The following NHEJ1 variants were observed in gnomAD, a reference collection of about 807,000 sequenced individuals.
The protein encoded by NHEJ1 is non-homologous end-joining factor 1.
In NHEJ1, 22 loss-of-function variants were observed where a neutral mutation model predicts 39.4. The ratio of observed to expected loss-of-function variants is 0.56; its 90% CI spans 0.40 to 0.80. NHEJ1 has a LOEUF of 0.80. Ranked by LOEUF, NHEJ1 falls within the 30% of genes least tolerant of loss-of-function variation. The probability of loss-of-function intolerance (pLI) is 0.00; values close to 1 mark genes in which losing one functional copy is unlikely to be tolerated. For missense variants in NHEJ1, 329 were observed against 357.1 expected (o/e 0.92, Z 0.63); for synonymous variants, 154 against 135.6 (o/e 1.14, Z -0.94).
intron 3 of NHEJ1, among the ~76,000 whole-genome samples, chr2:219,149,264 T>A (rs1949772816): frequency 6.6e-6 from 1 of 152,180 alleles, no homozygotes; most frequent in Non-Finnish European, 1.5e-5. Context: ...TACTCTCATA[T>A]GATAATGTAT....
chr2:219,117,296 C>T (rs1406798254), intron 5 of NHEJ1, among the ~76,000 whole-genome samples: 1 of 152,080 alleles, frequency 6.6e-6, no homozygotes, highest in Non-Finnish European at 1.5e-5. Context: ...GTAAACATCG[C>T]AGGGAAAAGA....
At chr2:219,121,515 G>A (rs1264460381) in intron 5 of NHEJ1, among the ~76,000 whole-genome samples, 1 of 151,916 alleles carries the variant, frequency 6.6e-6, no homozygotes, top group African/African-American at 2.4e-5. Context: ...TGGGCATTAA[G>A]GCCCCCGTGC....
intron 5 of NHEJ1, among the ~76,000 whole-genome samples, chr2:219,082,172 G>A (rs1424609652): frequency 1.3e-5 from 2 of 152,158 alleles, no homozygotes; most frequent in African/African-American, 4.8e-5. Flanking sequence ...TCATAGTAGT[G>A]TGATTTTTTC....
At chr2:219,139,672 TTTTG>T (rs1949671485) in intron 5 of NHEJ1, among the ~76,000 whole-genome samples, 1 of 152,068 alleles carries the variant, frequency 6.6e-6, no homozygotes, top group African/African-American at 2.4e-5. Context: ...TTTTGGGGTT[TTTTG>T]TTTTTGTTTT....
intron 5 of NHEJ1, among the ~76,000 whole-genome samples, chr2:219,087,525 C>T (rs1330715430): frequency 6.6e-6 from 1 of 152,164 alleles, no homozygotes; most frequent in Non-Finnish European, 1.5e-5. Context: ...ACACGCTTGA[C>T]AGCTGGGAAC....
At chr2:219,088,391 G>T (rs1432635495) in intron 5 of NHEJ1, among the ~76,000 whole-genome samples, 1 of 152,122 alleles carries the variant, frequency 6.6e-6, no homozygotes, top group Admixed American at 6.5e-5. Context: ...ACTTTGGGAG[G>T]CCGAGGCAGG....
chr2:219,071,237 A>G lies in NHEJ1; in HGVS notation c.*5144T>C, dbSNP rs1055082097. 3.3e-5 allele frequency among the ~76,000 whole-genome samples: 5 copies of G among 152,204 alleles called. No homozygotes were observed. Among genetic ancestry groups the G allele is most frequent in the South Asian group, 2.1e-4 (1 of 4,828 alleles). On this transcript the variant is annotated 3_prime_UTR_variant, in exon 8 of 8. Transcript: ENST00000356853. ...GAAAAGCCAGGATGAAGTGCCAGTC[A>G]AAAGGATCACCCTTCCCCTACTCCA...
rs545866591 is a variant in NHEJ1, at chr2:219,129,753, G to C, written c.588+16927C>G. ...CCATCATTATGTGGCTAAATTTAAC[G>C]CCCTGCGCGGCCAGGGGAGCCGTGC... On this transcript the variant is annotated intron_variant, in intron 5 of 7. Coordinates refer to ENST00000356853, the MANE Select transcript of NHEJ1 (RefSeq NM_024782.3). Among the ~76,000 whole-genome samples the C allele has an allele frequency of 1.8e-3, 277 of 152,312 alleles. 1 individual carries two copies. The highest frequency in any genetic ancestry group is 6.4e-3 in the African/African-American group (266 of 41,572).
chr2:219,085,896 A>G (rs1482098162), intron 5 of NHEJ1, among the ~76,000 whole-genome samples: 3 of 152,172 alleles, frequency 2.0e-5, no homozygotes, highest in African/African-American at 7.2e-5. Context: ...GCAATGGAGT[A>G]AGATAGGTGC....
At chr2:219,138,858 T>G (rs1949662839) in intron 5 of NHEJ1, among the ~76,000 whole-genome samples, 1 of 152,180 alleles carries the variant, frequency 6.6e-6, no homozygotes. Flanking sequence ...ATTGTTGTAG[T>G]CCATGTAGAT....
intron 5 of NHEJ1, among the ~76,000 whole-genome samples, chr2:219,119,382 G>C (rs1043974767): frequency 1.3e-5 from 2 of 152,182 alleles, no homozygotes; most frequent in African/African-American, 4.8e-5. Flanking sequence ...TTCCACTCTG[G>C]ATTGCTGGGA....
chr2:219,085,938 G>A lies in NHEJ1; in HGVS notation c.589-7732C>T, dbSNP rs79704027. Among the ~76,000 whole-genome samples, 1,078 of 152,232 alleles carry A rather than the reference G, an allele frequency of 7.1e-3. 12 individuals carry two copies. The highest frequency in any genetic ancestry group is 0.025 in the African/African-American group (1,033 of 41,538). ...CAAAACAGTTTGAGACAAAGTCCAG[G>A]TCCTACATATACTATTCAGATTTTT... is the stretch of plus-strand genomic sequence containing the variant. On this transcript the variant is annotated intron_variant, in intron 5 of 7. Transcript: ENST00000356853.
Position 219,072,803 on chromosome 2 carries a change from A to G in NHEJ1, c.*3578T>C, listed in dbSNP as rs1453280323. ...TATACTCTCTGGAGCGAATCTGTGTAGTTTTGTAAGTAGGAGAAAATGAGA... is the reference window on the plus strand; with the variant it reads ...TATACTCTCTGGAGCGAATCTGTGTGGTTTTGTAAGTAGGAGAAAATGAGA... On this transcript the variant is annotated 3_prime_UTR_variant, in exon 8 of 8. Transcript: ENST00000356853. 2.0e-5 allele frequency among the ~76,000 whole-genome samples: 3 copies of G among 152,210 alleles called. No individual in the cohort carries two copies. Among genetic ancestry groups the G allele is most frequent in the Non-Finnish European group, 4.4e-5 (3 of 68,042 alleles).
chr2:219,078,335 G>A (rs1012231513), intron 5 of NHEJ1, 129 bp from the exon 6 acceptor site: 14 of 809,250 alleles, frequency 1.7e-5, no homozygotes, highest in African/African-American at 8.3e-5. Flanking sequence ...AATAGGGGGC[G>A]ACCATATCCA....
intron 5 of NHEJ1, among the ~76,000 whole-genome samples, chr2:219,093,010 T>G (rs1409761219): frequency 6.6e-6 from 1 of 152,232 alleles, no homozygotes; most frequent in Non-Finnish European, 1.5e-5. Context: ...ATTGCTGAGA[T>G]AATACTTTAA....
intron 1 of NHEJ1, chr2:219,159,465 C>T (rs2106370500): frequency 6.7e-6 from 1 of 149,308 alleles, no homozygotes; most frequent in East Asian, 2.0e-4. Context: ...TTAACACAGT[C>T]ATTTCCCCTA....
chr2:219,089,061 C>T (rs1034427881), intron 5 of NHEJ1, among the ~76,000 whole-genome samples: 5 of 152,076 alleles, frequency 3.3e-5, no homozygotes, highest in Admixed American at 1.3e-4. Context: ...CCTCGTGATC[C>T]GCCCGCCTCA....
chr2:219,129,555 C>T lies in NHEJ1; in HGVS notation c.588+17125G>A, dbSNP rs190360901. On this transcript the variant is annotated intron_variant, in intron 5 of 7. Transcript: ENST00000356853. The stretch of plus-strand genomic sequence containing the variant: ...ACTCTTTATCCTGACGGTCCAAGAG[C>T]CCAAGTTTCTATGAAGACTAATTTG... Among the ~76,000 whole-genome samples, 3 of 152,332 alleles carry T rather than the reference C, an allele frequency of 2.0e-5. 1 individual carries two copies. The highest frequency in any genetic ancestry group is 2.0e-4 in the Admixed American group (3 of 15,306).
At chr2:219,115,986 G>A (rs2106342138) in intron 5 of NHEJ1, among the ~76,000 whole-genome samples, 1 of 151,480 alleles carries the variant, frequency 6.6e-6, no homozygotes, top group Admixed American at 6.6e-5. Flanking sequence ...TGGGCGTGGG[G>A]GTGTGTGCCT....
Sources: allele counts gnomAD v4.1 joint callset (sites outside exome capture counted in the v4.1 genomes callset), GRCh38; gene constraint gnomAD v4.1.1; transcripts MANE v1.5; gene names NCBI Gene and HGNC (gene_info 2026-07-23, HGNC 2026-07-21).